Variants in STXBP5L observed in about 807,000 individuals in gnomAD.
STXBP5L encodes the protein syntaxin-binding protein 5-like.
STXBP5L carries 65 observed loss-of-function variants against 144.5 expected under a neutral mutation model. The observed-to-expected ratio is 0.45, with a 90% CI of 0.37 to 0.55. STXBP5L has a LOEUF of 0.55. STXBP5L is among the 20% of genes least tolerant of loss of function. The pLI is 0.00. For synonymous variants in STXBP5L, 505 were observed against 469.6 expected (o/e 1.08, Z -0.97); for missense variants, 1,298 against 1,405.5 (o/e 0.92, Z 1.22).
chr3:121,247,831 C>T (rs1265295356), intron 14 of STXBP5L, among the ~76,000 whole-genome samples: 2 of 152,104 alleles, frequency 1.3e-5, no homozygotes, highest in Non-Finnish European at 2.9e-5. Context: ...TGGTTATATA[C>T]CCAGTAATGG....
chr3:121,281,205 T>C (rs1441424938), intron 19 of STXBP5L, among the ~76,000 whole-genome samples: 1 of 151,934 alleles, frequency 6.6e-6, no homozygotes, highest in Admixed American at 6.6e-5. Context: ...ACTCAATGAT[T>C]TCTGAATTAC....
At chr3:121,357,437 A>G (rs1363026972) in intron 20 of STXBP5L, 1 of 153,302 alleles carries the variant, frequency 6.5e-6, no homozygotes, top group Non-Finnish European at 1.5e-5. Context: ...GTGACTTCAA[A>G]TGAAGAGTGT....
At chr3:121,140,056 TA>T (rs2045432172) in intron 7 of STXBP5L, among the ~76,000 whole-genome samples, 1 of 151,984 alleles carries the variant, frequency 6.6e-6, no homozygotes, top group African/African-American at 2.4e-5. Context: ...ATTAAAAAAT[TA>T]AAATAGATTA....
intron 3 of STXBP5L, among the ~76,000 whole-genome samples, chr3:120,979,119 CTTTT>C (rs1180838829): frequency 6.6e-6 from 1 of 152,214 alleles, no homozygotes; most frequent in Non-Finnish European, 1.5e-5. Context: ...TTACTGCTGT[CTTTT>C]TGTTTGTCTG....
intron 7 of STXBP5L, among the ~76,000 whole-genome samples, chr3:121,140,813 T>A (rs956103756): frequency 3.3e-5 from 5 of 152,298 alleles, no homozygotes; most frequent in Non-Finnish European, 5.9e-5. Context: ...GAATAAATTG[T>A]AAGATATCTA....
intron 5 of STXBP5L, among the ~76,000 whole-genome samples, chr3:121,062,317 C>T (rs2041322652): frequency 1.3e-5 from 2 of 152,134 alleles, no homozygotes; most frequent in Non-Finnish European, 2.9e-5. Flanking sequence ...TGAATATTTT[C>T]CCCCCACTTT....
At chr3:121,182,577 C>G (rs2047202492) in intron 9 of STXBP5L, among the ~76,000 whole-genome samples, 1 of 152,048 alleles carries the variant, frequency 6.6e-6, no homozygotes. Flanking sequence ...TCTGAAAGAG[C>G]ACATCTCAAG....
At chr3:120,925,330 T>C (rs906697059) in intron 2 of STXBP5L, among the ~76,000 whole-genome samples, 9 of 152,188 alleles carry the variant, frequency 5.9e-5, no homozygotes, top group Non-Finnish European at 1.2e-4. Context: ...CTTCATATAC[T>C]TGGGAGCTCT....
At chr3:121,203,556 C>A (rs114050405) in intron 9 of STXBP5L, among the ~76,000 whole-genome samples, 1 of 152,068 alleles carries the variant, frequency 6.6e-6, no homozygotes, top group African/African-American at 2.4e-5. Flanking sequence ...TTGTGATACA[C>A]AACATGACAT....
chr3:121,198,833 C>A (rs2048023178), intron 9 of STXBP5L, among the ~76,000 whole-genome samples: 1 of 152,110 alleles, frequency 6.6e-6, no homozygotes, highest in Non-Finnish European at 1.5e-5. Context: ...TGTTCTGTTT[C>A]ATTGGTCTAT....
At chr3:121,152,771 C>A (rs1051182056) in intron 8 of STXBP5L, among the ~76,000 whole-genome samples, 12 of 151,972 alleles carry the variant, frequency 7.9e-5, no homozygotes, top group Non-Finnish European at 2.9e-5. Context: ...TATTTCGGGG[C>A]CCTCTTGTGG....
intron 3 of STXBP5L, among the ~76,000 whole-genome samples, chr3:120,967,563 T>A (rs930896249): frequency 6.6e-6 from 1 of 152,238 alleles, no homozygotes; most frequent in Non-Finnish European, 1.5e-5. Context: ...ACATCATTTT[T>A]ATTTTGTTGA....
chr3:121,333,013 T>C (rs2044375975), intron 20 of STXBP5L, among the ~76,000 whole-genome samples: 1 of 152,076 alleles, frequency 6.6e-6, no homozygotes, highest in Non-Finnish European at 1.5e-5. Context: ...AATAAAGTCT[T>C]TTTCAGACAA....
At chr3:120,991,563 A>G (rs1365696166) in intron 3 of STXBP5L, among the ~76,000 whole-genome samples, 1 of 152,232 alleles carries the variant, frequency 6.6e-6, no homozygotes, top group Non-Finnish European at 1.5e-5. Context: ...TCACAATAGC[A>G]AAGACTTGGA....
intron 3 of STXBP5L, among the ~76,000 whole-genome samples, chr3:121,010,091 A>G (rs572864660): frequency 3.9e-5 from 6 of 152,008 alleles, no homozygotes; most frequent in Admixed American, 1.3e-4. Context: ...GCTATGATTC[A>G]TATCATTTTT....
intron 9 of STXBP5L, among the ~76,000 whole-genome samples, chr3:121,174,322 A>G (rs1427062403): frequency 6.6e-6 from 1 of 152,124 alleles, no homozygotes; most frequent in East Asian, 1.9e-4. Flanking sequence ...ACTAGTATCT[A>G]TATATTTTCT....
chr3:121,251,083 C>T (rs553261550), intron 15 of STXBP5L, among the ~76,000 whole-genome samples: 1 of 152,326 alleles, frequency 6.6e-6, no homozygotes, highest in East Asian at 1.9e-4. Flanking sequence ...CCTTCACCCT[C>T]TACCTGTGTG....
At chr3:121,385,765 G>C (rs2046413724) in intron 22 of STXBP5L, among the ~76,000 whole-genome samples, 1 of 151,958 alleles carries the variant, frequency 6.6e-6, no homozygotes, top group Non-Finnish European at 1.5e-5. Flanking sequence ...GTCTACTCTA[G>C]AGTTGTCCCA....
At chr3:121,363,509 T>C (rs1427952889) in intron 20 of STXBP5L, among the ~76,000 whole-genome samples, 3 of 152,136 alleles carry the variant, frequency 2.0e-5, no homozygotes, top group Non-Finnish European at 2.9e-5. Context: ...GAGTTTGGTT[T>C]AGTTTACCTT....
Sources: allele counts gnomAD v4.1 joint callset (sites outside exome capture counted in the v4.1 genomes callset), GRCh38; gene constraint gnomAD v4.1.1; transcripts MANE v1.5; gene names NCBI Gene and HGNC (gene_info 2026-07-23, HGNC 2026-07-21).